The following HDAC9 variants were observed in gnomAD, a reference collection of about 807,000 sequenced individuals.
HDAC9 encodes MEF-2 interacting transcription repressor (MITR) protein.
Under a neutral mutation model 139.4 loss-of-function variants are expected in HDAC9, and 41 were observed. The observed-to-expected ratio is 0.29, with a 90% CI of 0.23 to 0.38. The LOEUF (loss-of-function observed/expected upper bound fraction) is 0.38, where lower values mean the gene tolerates loss of function less well. Ranked by LOEUF, HDAC9 falls within the 10% of genes least tolerant of loss-of-function variation. The pLI, the probability that HDAC9 is intolerant of heterozygous loss-of-function variation, is 1.00. For missense variants in HDAC9, 1,147 were observed against 1,297.0 expected (o/e 0.88, Z 1.78); for synonymous variants, 517 against 476.2 (o/e 1.09, Z -1.12).
chr7:18,140,274 A>T (rs1341556958), intron 1 of HDAC9, among the ~76,000 whole-genome samples: 1 of 152,168 alleles, frequency 6.6e-6, no homozygotes, highest in East Asian at 1.9e-4. Flanking sequence ...ATTCTTGGCA[A>T]CAGGGATATG....
chr7:18,372,065 A>G (rs1481572572), intron 1 of HDAC9, among the ~76,000 whole-genome samples: 1 of 152,232 alleles, frequency 6.6e-6, no homozygotes, highest in Non-Finnish European at 1.5e-5. Flanking sequence ...CAAATGAAGC[A>G]TTCATGGAAG....
chr7:18,409,867 T>C (rs1422569498), intron 1 of HDAC9, among the ~76,000 whole-genome samples: 2 of 152,212 alleles, frequency 1.3e-5, no homozygotes, highest in Non-Finnish European at 2.9e-5. Flanking sequence ...CCGAAAATCT[T>C]AGAAGTAGAT....
At chr7:18,554,327 CTTTTTTT>C (rs34326798) in intron 2 of HDAC9, among the ~76,000 whole-genome samples, 7 of 58,328 alleles carry the variant, frequency 1.2e-4, no homozygotes, top group Non-Finnish European at 1.7e-4. Flanking sequence ...TTACAGATCA[CTTTTTTT>C]TTTTTTTTTT....
chr7:18,099,876 A>T (rs771088920), intron 1 of HDAC9, among the ~76,000 whole-genome samples: 3 of 152,196 alleles, frequency 2.0e-5, no homozygotes, highest in Non-Finnish European at 4.4e-5. Context: ...AAAGATATTT[A>T]TGTAAAACAG....
intron 2 of HDAC9, among the ~76,000 whole-genome samples, chr7:18,550,148 C>A (rs1248263172): frequency 2.0e-5 from 3 of 151,974 alleles, no homozygotes; most frequent in African/African-American, 7.3e-5. Flanking sequence ...ATAACTCAAT[C>A]TTTTTGTTTT....
intron 2 of HDAC9, among the ~76,000 whole-genome samples, chr7:18,178,016 G>A (rs1046853091): frequency 1.3e-5 from 2 of 151,774 alleles, no homozygotes; most frequent in African/African-American, 4.8e-5. Flanking sequence ...TTCACCTCTA[G>A]TGCTATCCAC....
intron 12 of HDAC9, among the ~76,000 whole-genome samples, chr7:18,719,223 A>T (rs1356227722): frequency 6.7e-6 from 1 of 150,354 alleles, no homozygotes; most frequent in Admixed American, 6.6e-5. Context: ...TGATTTGCAG[A>T]TATTTTCTCT....
chr7:18,743,697 A>G (rs984076461), intron 13 of HDAC9, among the ~76,000 whole-genome samples: 1 of 151,706 alleles, frequency 6.6e-6, no homozygotes, highest in African/African-American at 2.4e-5. Flanking sequence ...ACATAAAATA[A>G]AAAAATTAAA....
intron 17 of HDAC9, among the ~76,000 whole-genome samples, chr7:18,818,732 G>C (rs1338956928): frequency 6.6e-6 from 1 of 152,152 alleles, no homozygotes; most frequent in Non-Finnish European, 1.5e-5. Flanking sequence ...ACTCTCATCA[G>C]TGGAGATTTG....
chr7:18,385,216 A>T (rs1365803715), intron 1 of HDAC9, among the ~76,000 whole-genome samples: 1 of 152,128 alleles, frequency 6.6e-6, no homozygotes, highest in African/African-American at 2.4e-5. Context: ...AATCAAATAA[A>T]CACATTACAG....
intron 2 of HDAC9, among the ~76,000 whole-genome samples, chr7:18,503,062 AT>A (rs544409454): frequency 1.3e-5 from 2 of 151,996 alleles, no homozygotes; most frequent in African/African-American, 4.8e-5. Context: ...ACATTTTAAC[AT>A]TTTTTTTCTG....
chr7:18,305,949 A>G (rs1312365120), intron 1 of HDAC9, among the ~76,000 whole-genome samples: 1 of 152,098 alleles, frequency 6.6e-6, no homozygotes, highest in African/African-American at 2.4e-5. Flanking sequence ...GAACACCAAG[A>G]TGTATTTTAG....
chr7:18,112,626 C>T (rs192720655), intron 1 of HDAC9, among the ~76,000 whole-genome samples: 1 of 152,192 alleles, frequency 6.6e-6, no homozygotes, highest in East Asian at 1.9e-4. Flanking sequence ...AAACAGTTGG[C>T]TATATGGAAT....
chr7:18,799,040 GACACACACACACAC>G (rs201166800), intron 17 of HDAC9, among the ~76,000 whole-genome samples: 4,034 of 47,462 alleles, frequency 0.085, 79 homozygotes, highest in Non-Finnish European at 0.1. Context: ...TGTGCCCTAA[GACACACACACACAC>G]ACACACACAC....
intron 1 of HDAC9, among the ~76,000 whole-genome samples, chr7:18,482,386 A>AAAAAAAAAC: frequency 1.6e-5 from 1 of 64,004 alleles, no homozygotes; most frequent in Non-Finnish European, 3.4e-5. Context: ...TCACCAAAAA[A>AAAAAAAAAC]AAAAAAAAAA....
At chr7:18,402,718 G>C (rs546352741) in intron 1 of HDAC9, among the ~76,000 whole-genome samples, 1 of 152,264 alleles carries the variant, frequency 6.6e-6, no homozygotes, top group African/African-American at 2.4e-5. Context: ...GTTCATATGT[G>C]GTATTGCTGA....
chr7:18,791,597 G>T (rs542971154), intron 16 of HDAC9, among the ~76,000 whole-genome samples: 29 of 152,236 alleles, frequency 1.9e-4, no homozygotes, highest in African/African-American at 7.0e-4. Context: ...AGCTGACAGT[G>T]CAGACCATGA....
intron 1 of HDAC9, among the ~76,000 whole-genome samples, chr7:18,321,759 C>T (rs1276621944): frequency 1.3e-5 from 2 of 152,070 alleles, no homozygotes; most frequent in African/African-American, 4.8e-5. Context: ...GTATAGTGTG[C>T]CCCAGATGAG....
At chr7:18,706,242 C>T (rs1246209785) in intron 12 of HDAC9, among the ~76,000 whole-genome samples, 2 of 130,166 alleles carry the variant, frequency 1.5e-5, no homozygotes, top group Non-Finnish European at 1.6e-5. Context: ...ATTTCATTTG[C>T]GTAATTAAGT....
Sources: allele counts gnomAD v4.1 joint callset (sites outside exome capture counted in the v4.1 genomes callset), GRCh38; gene constraint gnomAD v4.1.1; transcripts MANE v1.5; gene names NCBI Gene and HGNC (gene_info 2026-07-23, HGNC 2026-07-21).